GUCY1A1: variants seen among roughly 807,000 people sequenced by gnomAD.
GUCY1A1 encodes the protein guanylate cyclase 1 soluble subunit alpha 1.
GUCY1A1 carries 48 observed loss-of-function variants against 64.5 expected under a neutral mutation model. The ratio of observed to expected loss-of-function variants is 0.74; its 90% confidence interval spans 0.59 to 0.95. The LOEUF is 0.95. Among genes scored for constraint, GUCY1A1 ranks in the 40% least tolerant of loss-of-function variants. The pLI is 0.00. For synonymous variants in GUCY1A1, 308 were observed against 303.4 expected (o/e 1.02, Z -0.16); for missense variants, 804 against 825.3 (o/e 0.97, Z 0.32).
intron 2 of GUCY1A1, among the ~76,000 whole-genome samples, chr4:155,677,132 GTAATA>G (rs1735066369): frequency 6.8e-6 from 1 of 146,646 alleles, no homozygotes; most frequent in South Asian, 2.1e-4. Flanking sequence ...TTAGAATGTA[GTAATA>G]GGTACCTAAT....
rs762866696 is a variant in GUCY1A1, at chr4:155,684,609, T to C, written c.-112-12147T>C. ...ATCTGCTGAGTCTCCAGGCCTCGAA[T>C]CTCACACTTCACTTTTATGAGCCTT... is the stretch of plus-strand genomic sequence containing the variant. On this transcript the variant is annotated intron_variant, in intron 2 of 9. Coordinates refer to ENST00000506455, the MANE Select transcript of GUCY1A1 (RefSeq NM_001130682.3). Among the ~76,000 whole-genome samples the C allele has an allele frequency of 2.2e-4, 33 of 152,158 alleles. 1 individual carries two copies. Among genetic ancestry groups the C allele is most frequent in the Non-Finnish European group, 4.0e-4 (27 of 68,030 alleles).
rs1012463375 is a variant in GUCY1A1 at position 155,735,990 on chromosome 4, T to C, written c.*5759T>C. On this transcript the variant is annotated 3_prime_UTR_variant, in exon 10 of 10. Transcript: ENST00000506455. ...TTGTATCTTATAACATTGAAGTGAA[T>C]GAAAATGTATTAGTATTTGAGAATT... The C allele has an allele frequency of 1.6e-4, 25 of 151,928 alleles. No homozygotes were observed. Among genetic ancestry groups the C allele is most frequent in the African/African-American group, 5.8e-4 (24 of 41,422 alleles). The allele number at this position is 151,928 out of a possible 1,614,324, so 9.4% of individuals were successfully genotyped here.
intron 2 of GUCY1A1, among the ~76,000 whole-genome samples, chr4:155,678,594 T>C (rs1005782667): frequency 2.6e-5 from 4 of 152,216 alleles, no homozygotes; most frequent in African/African-American, 9.6e-5. Flanking sequence ...CCTAATGTCA[T>C]ACATTTAATT....
chr4:155,702,253 C>CT (rs948068314), intron 3 of GUCY1A1, among the ~76,000 whole-genome samples: 7 of 152,154 alleles, frequency 4.6e-5, no homozygotes, highest in Non-Finnish European at 8.8e-5. Context: ...TTAAAGACTT[C>CT]TTTTTTCATA....
In GUCY1A1 at chr4:155,703,981, TAAAAG is replaced by T; in HGVS notation, c.309_313del (p.Glu104GlnfsTer10). The T allele has an allele frequency of 6.2e-7, 1 of 1,605,000 alleles. No individual in the cohort carries two copies. Among genetic ancestry groups the T allele is most frequent in the Non-Finnish European group, 8.5e-7 (1 of 1,174,514 alleles). On this transcript the variant is annotated frameshift_variant, in exon 4 of 10. Coordinates refer to ENST00000506455, the MANE Select transcript of GUCY1A1 (RefSeq NM_001130682.3). LOFTEE classifies it high-confidence loss of function. ...CAGAGAACATTGGCAAAGCACAAAA[TAAAAG>T]AAAGCAGGTAAGTCAAACCACTTTA...
chr4:155,677,648 C>T (rs1437821088), intron 2 of GUCY1A1, among the ~76,000 whole-genome samples: 4 of 152,000 alleles, frequency 2.6e-5, no homozygotes, highest in Non-Finnish European at 5.9e-5. Flanking sequence ...GTCAGGAGTT[C>T]GAGACCAGCC....
At chr4:155,726,921 A>T (rs555040899) in intron 9 of GUCY1A1, among the ~76,000 whole-genome samples, 23 of 152,086 alleles carry the variant, frequency 1.5e-4, no homozygotes, top group South Asian at 6.2e-4. Context: ...TGATCCAGGG[A>T]TCATTAGAAA....
chr4:155,673,605 TTCACTG>T (rs1269215280), intron 2 of GUCY1A1, among the ~76,000 whole-genome samples: 1 of 151,386 alleles, frequency 6.6e-6, no homozygotes, highest in Non-Finnish European at 1.5e-5. Context: ...AAGGAAAGGA[TTCACTG>T]CAGGGATCAG....
rs571477474 is a variant in GUCY1A1 at position 155,699,677 on chromosome 4, G to T, written c.255+2555G>T. 1.6e-4 allele frequency among the ~76,000 whole-genome samples: 24 copies of T among 152,136 alleles called. No individual in the cohort carries two copies. In the East Asian group the frequency reaches 4.3e-3, roughly 27 times the overall value. ...TGACTTCAAACATCTGCTTATCTTT[G>T]ATAAATACTTGTTATGTTTTTTTAC... On this transcript the variant is annotated intron_variant, in intron 3 of 9. Coordinates refer to ENST00000506455, the MANE Select transcript of GUCY1A1 (RefSeq NM_001130682.3).
At position 155,732,565 on chromosome 4, in the gene GUCY1A1, C is replaced by G. The variant is rs886854091; in HGVS notation, c.*2334C>G. 6.6e-6 allele frequency among the ~76,000 whole-genome samples: 1 copy of G among 151,814 alleles called. No individual in the cohort carries two copies. The highest frequency in any genetic ancestry group is 6.6e-5 in the Admixed American group (1 of 15,194). On this transcript the variant is annotated 3_prime_UTR_variant, in exon 10 of 10. Coordinates refer to ENST00000506455, the MANE Select transcript of GUCY1A1 (RefSeq NM_001130682.3). The stretch of plus-strand genomic sequence containing the variant: ...TTGAAGCATAGCGATTAGCGAGAAA[C>G]TTTTCAGATCCAGACCACTGATGGT...
At chr4:155,675,218 G>T (rs1042477902) in intron 2 of GUCY1A1, among the ~76,000 whole-genome samples, 3 of 151,550 alleles carry the variant, frequency 2.0e-5, no homozygotes, top group African/African-American at 7.3e-5. Context: ...ATGATATGTG[G>T]TTTTTATTAC....
At chr4:155,689,772 C>T (rs1032187273) in intron 2 of GUCY1A1, among the ~76,000 whole-genome samples, 6 of 152,120 alleles carry the variant, frequency 3.9e-5, no homozygotes, top group Non-Finnish European at 5.9e-5. Context: ...TTTATCAAGG[C>T]GGTTGCCACC....
At chr4:155,727,294 C>G (rs939088784) in intron 9 of GUCY1A1, among the ~76,000 whole-genome samples, 6 of 151,688 alleles carry the variant, frequency 4.0e-5, no homozygotes, top group African/African-American at 1.2e-4. Context: ...TTTAAAAAGA[C>G]AATATAATGA....
chr4:155,710,585 T>C lies in GUCY1A1; in HGVS notation c.420T>C (p.Val140=). Residue 140 remains valine, a synonymous_variant, in exon 6 of 10, where the codon GTT becomes GTC. Coordinates refer to ENST00000506455, the MANE Select transcript of GUCY1A1 (RefSeq NM_001130682.3). ...EVIKESLGEE[V]FKICYEEDEN... ...TCAAAGAATCTCTTGGTGAAGAGGT[T>C]TTTAAAATATGTTACGAGGAAGATG... The C allele has an allele frequency of 6.2e-7, 1 of 1,611,868 alleles. No individual in the cohort carries two copies. Among genetic ancestry groups the C allele is most frequent in the East Asian group, 2.2e-5 (1 of 44,860 alleles).
intron 2 of GUCY1A1, among the ~76,000 whole-genome samples, chr4:155,695,302 T>G: frequency 6.6e-6 from 1 of 152,076 alleles, no homozygotes; most frequent in East Asian, 1.9e-4. Context: ...ATTTACAGGC[T>G]GTTGCTTATG....
In GUCY1A1 at chr4:155,697,039, A is replaced by G. The variant is rs1265443079; in HGVS notation, c.172A>G (p.Ser58Gly). 2 of 1,612,536 alleles carry G rather than the reference A, an allele frequency of 1.2e-6. No homozygotes were observed. The highest frequency in any genetic ancestry group is 1.7e-6 in the Non-Finnish European group (2 of 1,178,726). The change falls in exon 3 of 10, where the codon AGT (serine) becomes GGT (glycine). Residue 58 changes from serine (S) to glycine (G), a missense_variant. Ser to Gly is a moderately conservative substitution (Grantham distance 56). Coordinates refer to ENST00000506455, the MANE Select transcript of GUCY1A1 (RefSeq NM_001130682.3). ...QDIPEKNIQE[S>G]LPQRKTSRSR... ...CATTCCTGAGAAGAACATACAAGAA[A>G]GTCTTCCTCAAAGAAAAACCAGTCG...
chr4:155,733,532 G>C lies in GUCY1A1; in HGVS notation c.*3301G>C, dbSNP rs1735764055. On this transcript the variant is annotated 3_prime_UTR_variant, in exon 10 of 10. Coordinates refer to ENST00000506455, the MANE Select transcript of GUCY1A1 (RefSeq NM_001130682.3). Reference sequence around the variant, plus strand: ...ATTGCTATTGTAATATTAATATATAGTAATTAACTACACATGACACAGCTT... The same window carrying C: ...ATTGCTATTGTAATATTAATATATACTAATTAACTACACATGACACAGCTT... Among the ~76,000 whole-genome samples, 1 of 151,472 alleles carries C rather than the reference G, an allele frequency of 6.6e-6. No individual in the cohort carries two copies. Among genetic ancestry groups the C allele is most frequent in the South Asian group, 2.1e-4 (1 of 4,782 alleles).
rs929138214 is a variant in GUCY1A1, at chr4:155,733,020, T to C, written c.*2789T>C. Among the ~76,000 whole-genome samples, 1 of 151,904 alleles carries C rather than the reference T, an allele frequency of 6.6e-6. No homozygotes were observed. Among genetic ancestry groups the C allele is most frequent in the Non-Finnish European group, 1.5e-5 (1 of 67,888 alleles). Reference sequence around the variant, plus strand: ...CTTTCCATTTTGCTTTGTTTTTCTATATCGATCTAGACTTTGTAGGAAAAT... The same window carrying C: ...CTTTCCATTTTGCTTTGTTTTTCTACATCGATCTAGACTTTGTAGGAAAAT... On this transcript the variant is annotated 3_prime_UTR_variant, in exon 10 of 10. Coordinates refer to ENST00000506455, the MANE Select transcript of GUCY1A1 (RefSeq NM_001130682.3).
chr4:155,725,366 G>A (rs1307237455), intron 9 of GUCY1A1, among the ~76,000 whole-genome samples: 1 of 152,038 alleles, frequency 6.6e-6, no homozygotes, highest in Non-Finnish European at 1.5e-5. Context: ...GTCCTACTGG[G>A]TATAATAGGT....
Sources: allele counts gnomAD v4.1 joint callset (sites outside exome capture counted in the v4.1 genomes callset), GRCh38; gene constraint gnomAD v4.1.1; transcripts MANE v1.5; gene names NCBI Gene and HGNC (gene_info 2026-07-23, HGNC 2026-07-21).